Variants in DCC observed in about 807,000 individuals in gnomAD.
DCC encodes the protein netrin receptor DCC.
Under a neutral mutation model 172.5 loss-of-function variants are expected in DCC, and 58 were observed. That is an observed-to-expected ratio of 0.34 (90% CI 0.27 to 0.42). The LOEUF (loss-of-function observed/expected upper bound fraction) is 0.42, where lower values mean the gene tolerates loss of function less well. Among genes scored for constraint, DCC ranks in the 10% least tolerant of loss-of-function variants. The pLI is 1.00. For synonymous variants in DCC, 709 were observed against 644.5 expected, an observed-to-expected ratio of 1.10 and a Z score of -1.52; for missense variants, 1,740 against 1,791.0, an observed-to-expected ratio of 0.97 and a Z score of 0.51.
At chr18:53,024,762 T>C (rs941344361) in intron 5 of DCC, among the ~76,000 whole-genome samples, 2 of 152,276 alleles carry the variant, frequency 1.3e-5, no homozygotes, top group East Asian at 1.9e-4. Flanking sequence ...TATTAGCAAA[T>C]GTTAAATTTT....
rs1203799842 is a variant in DCC at position 53,529,038 on chromosome 18, T to TCTCTCACA, written c.4255-1525_4255-1524insTCTCACAC. On this transcript the variant is annotated intron_variant, in intron 28 of 28. Transcript: ENST00000442544. ...CTCTCTCTCTCTCTCTCTCTCTCTC[T>TCTCTCACA]CACACACACACACACACACACACAC... Among the ~76,000 whole-genome samples the TCTCTCACA allele has an allele frequency of 7.6e-3, 496 of 65,220 alleles. 4 individuals are homozygous for TCTCTCACA. Among genetic ancestry groups the TCTCTCACA allele is most frequent in the Non-Finnish European group, 0.013 (407 of 32,482 alleles). 42.8% of individuals were successfully genotyped at this position (65,220 alleles called of 152,430 possible).
intron 1 of DCC, among the ~76,000 whole-genome samples, chr18:52,679,709 C>T (rs956256644): frequency 6.6e-6 from 1 of 152,102 alleles, no homozygotes; most frequent in African/African-American, 2.4e-5. Flanking sequence ...TCAGTTTAAT[C>T]ATTGCTGTAA....
At chr18:52,822,597 T>C (rs555831071) in intron 2 of DCC, among the ~76,000 whole-genome samples, 21 of 152,264 alleles carry the variant, frequency 1.4e-4, no homozygotes, top group African/African-American at 4.6e-4. Context: ...GGAAACAAAA[T>C]GTTGAGAGAA....
intron 1 of DCC, among the ~76,000 whole-genome samples, chr18:52,470,299 A>G (rs1430991448): frequency 6.6e-6 from 1 of 152,166 alleles, no homozygotes; most frequent in Non-Finnish European, 1.5e-5. Context: ...CATTTTTAGT[A>G]GGACTGTGAA....
At chr18:52,542,251 C>A (rs2032482234) in intron 1 of DCC, among the ~76,000 whole-genome samples, 2 of 150,994 alleles carry the variant, frequency 1.3e-5, no homozygotes, top group Admixed American at 1.3e-4. Context: ...CAATAGTAGC[C>A]ACTCGAAAAA....
intron 1 of DCC, among the ~76,000 whole-genome samples, chr18:52,667,937 C>A (rs2035483743): frequency 6.6e-6 from 1 of 151,378 alleles, no homozygotes; most frequent in African/African-American, 2.4e-5. Flanking sequence ...CCAGTTTAAA[C>A]AAAAAAGAAA....
intron 1 of DCC, among the ~76,000 whole-genome samples, chr18:52,656,002 G>A (rs1468574860): frequency 4.6e-5 from 6 of 131,078 alleles, no homozygotes; most frequent in East Asian, 2.1e-4. Flanking sequence ...ATATATGTGC[G>A]TATATATATA....
chr18:52,911,788 A>G (rs796635856), intron 3 of DCC, among the ~76,000 whole-genome samples: 4 of 151,772 alleles, frequency 2.6e-5, no homozygotes, highest in African/African-American at 9.6e-5. Context: ...TTAAAAATCT[A>G]GTTTGAAGAA....
chr18:52,568,815 T>A lies in DCC; in HGVS notation c.92-183239T>A, dbSNP rs141513593. Among the ~76,000 whole-genome samples the A allele has an allele frequency of 1.7e-3, 253 of 152,274 alleles. 1 individual carries two copies. Among genetic ancestry groups the A allele is most frequent in the African/African-American group, 5.9e-3 (247 of 41,560 alleles). On this transcript the variant is annotated intron_variant, in intron 1 of 28. Coordinates refer to ENST00000442544, the MANE Select transcript of DCC (RefSeq NM_005215.4). ...CAACTATAGAACTTCCACTCTAGAA[T>A]GATATTTTTTTAAATGCCTAAGTTT...
chr18:53,027,049 ACATAAAT>A (rs1447067144), intron 5 of DCC, among the ~76,000 whole-genome samples: 2 of 152,124 alleles, frequency 1.3e-5, no homozygotes, highest in Non-Finnish European at 2.9e-5. Context: ...AAAAAATACA[ACATAAAT>A]GCTAATTTCC....
intron 1 of DCC, among the ~76,000 whole-genome samples, chr18:52,356,219 G>T: frequency 6.6e-6 from 1 of 152,010 alleles, no homozygotes; most frequent in East Asian, 1.9e-4. Flanking sequence ...CAGAAGCTCA[G>T]GGAAGGACAG....
intron 24 of DCC, 137 bp from the exon 25 acceptor site, chr18:53,467,757 A>G (rs749219539): frequency 1.3e-6 from 1 of 748,774 alleles, no homozygotes; most frequent in African/African-American, 1.7e-5. Context: ...AATGAAATAG[A>G]TTCAGGTAAC....
Position 52,959,992 on chromosome 18 carries a change from C to G in DCC, c.985+34622C>G, listed in dbSNP as rs570122954. Among the ~76,000 whole-genome samples the G allele has an allele frequency of 1.1e-4, 17 of 152,126 alleles. No individual in the cohort carries two copies. The East Asian group carries it at 3.1e-3, about 28-fold the overall frequency. On this transcript the variant is annotated intron_variant, in intron 5 of 28. Transcript: ENST00000442544. Reference sequence around the variant, plus strand: ...ATTCCTGAGCCCTACTGACTTCATGCTAGACACTGAAATTACCAGAAAACA... The same window carrying G: ...ATTCCTGAGCCCTACTGACTTCATGGTAGACACTGAAATTACCAGAAAACA...
At chr18:53,094,648 G>A (rs113113229) in intron 7 of DCC, among the ~76,000 whole-genome samples, 2 of 152,156 alleles carry the variant, frequency 1.3e-5, no homozygotes, top group African/African-American at 2.4e-5. Context: ...ATCTTCATAA[G>A]AATGCATGCA....
At chr18:52,360,359 G>A (rs1413584807) in intron 1 of DCC, among the ~76,000 whole-genome samples, 2 of 152,176 alleles carry the variant, frequency 1.3e-5, no homozygotes, top group Admixed American at 1.3e-4. Flanking sequence ...TACAGCTTTA[G>A]AATGCTAATG....
Position 53,214,197 on chromosome 18 carries a change from C to T in DCC, c.1862-1351C>T, listed in dbSNP as rs189992846. ...ACTTGCTGAGTTAATTCATGAAAAA[C>T]AAGCAGATGAGCATTTTGTCAGAAA... On this transcript the variant is annotated intron_variant, in intron 11 of 28. Coordinates refer to ENST00000442544, the MANE Select transcript of DCC (RefSeq NM_005215.4). Among the ~76,000 whole-genome samples, 344 of 151,872 alleles carry T rather than the reference C, an allele frequency of 2.3e-3. 4 individuals are homozygous for T. The highest frequency in any genetic ancestry group is 9.7e-4 in the Non-Finnish European group (66 of 67,910).
intron 1 of DCC, among the ~76,000 whole-genome samples, chr18:52,582,835 G>A (rs1002488775): frequency 4.6e-5 from 7 of 152,154 alleles, no homozygotes; most frequent in African/African-American, 1.7e-4. Flanking sequence ...ATGGCCCTGG[G>A]AAAAGAGGGA....
chr18:53,234,311 T>A (rs1008005208), intron 12 of DCC, among the ~76,000 whole-genome samples: 1 of 150,912 alleles, frequency 6.6e-6, no homozygotes, highest in East Asian at 1.9e-4. Flanking sequence ...CACCTGTAGT[T>A]CCAGCTACTC....
At chr18:53,265,815 G>T (rs1260147350) in intron 12 of DCC, among the ~76,000 whole-genome samples, 1 of 152,178 alleles carries the variant, frequency 6.6e-6, no homozygotes, top group Non-Finnish European at 1.5e-5. Flanking sequence ...TGGAACTCAT[G>T]ATCTTTCTCA....
Sources: gnomAD v4.1 joint callset for allele counts (sites outside exome capture counted in the v4.1 genomes callset) on GRCh38, gnomAD v4.1.1 for gene constraint, MANE v1.5 for transcripts, NCBI Gene and HGNC (gene_info 2026-07-23, HGNC 2026-07-21) for gene names.